Variants in ECT2L observed in about 807,000 individuals in gnomAD.
The protein encoded by ECT2L is epithelial cell-transforming sequence 2 oncogene-like.
ECT2L carries 126 observed loss-of-function variants against 122.8 expected under a neutral mutation model. That is an observed-to-expected ratio of 1.03 (90% CI 0.89 to 1.19). The LOEUF (loss-of-function observed/expected upper bound fraction) is 1.19. Among genes scored for constraint, ECT2L ranks in the 50% most tolerant of loss-of-function variants. ECT2L has a pLI of 0.00. For synonymous variants in ECT2L, 385 were observed against 381.8 expected (o/e 1.01, Z -0.10); for missense variants, 1,012 against 1,064.1 (o/e 0.95, Z 0.68).
chr6:138,806,276 G>C (rs1392383339), intron 1 of ECT2L, among the ~76,000 whole-genome samples: 1 of 152,144 alleles, frequency 6.6e-6, no homozygotes, highest in Non-Finnish European at 1.5e-5. Context: ...ATGCTTTCAT[G>C]AGAACAAGCC....
rs200690490 is a variant in ECT2L at position 138,854,115 on chromosome 6, G to T, written c.1159G>T (p.Gly387Trp). 3.8e-5 allele frequency: 61 copies of T among 1,614,020 alleles called. No homozygotes were observed. The highest frequency in any genetic ancestry group is 5.0e-5 in the Non-Finnish European group (59 of 1,180,014). Residue 387 changes from glycine to tryptophan, a missense_variant, in exon 10 of 22, where the codon GGG (glycine) becomes TGG (tryptophan). By Grantham distance (184) the Gly-to-Trp change is radical. Coordinates refer to ENST00000541398, the MANE Select transcript of ECT2L (RefSeq NM_001077706.3). The part of the protein sequence containing the change: ...LGSYVATEEE[G>W]GHVDFFVPLG... The stretch of plus-strand genomic sequence containing the variant: ...AAGCTATGTGGCCACTGAAGAAGAA[G>T]GGGGTCACGTGGACTTCTTCGTGCC...
rs1397114798 is a variant in ECT2L at position 138,881,178 on chromosome 6, C to T, written c.1880+7C>T. 3 of 1,611,548 alleles carry T rather than the reference C, an allele frequency of 1.9e-6. No individual in the cohort carries two copies. The highest frequency in any genetic ancestry group is 2.2e-5 in the South Asian group (2 of 90,822). Reference sequence around the variant, plus strand: ...AGATTTTAAGTCTCAACAGGTAAACCCTGAATATGTATTTTTTTTAATATT... The same window carrying T: ...AGATTTTAAGTCTCAACAGGTAAACTCTGAATATGTATTTTTTTTAATATT... On this transcript the variant is annotated splice_region_variant and intron_variant, in intron 15 of 21. Coordinates refer to ENST00000541398, the MANE Select transcript of ECT2L (RefSeq NM_001077706.3).
intron 1 of ECT2L, among the ~76,000 whole-genome samples, chr6:138,801,143 A>C (rs1157184305): frequency 5.3e-5 from 8 of 152,212 alleles, no homozygotes; most frequent in African/African-American, 1.7e-4. Context: ...TGGAGGTGAC[A>C]CATTCAAACC....
intron 9 of ECT2L, 89 bp from the exon 10 acceptor site, chr6:138,853,937 T>C (rs1311917534): frequency 6.9e-7 from 1 of 1,453,798 alleles, no homozygotes; most frequent in Non-Finnish European, 9.4e-7. Context: ...GGCATTTTGA[T>C]TTTGTGCTTA....
intron 20 of ECT2L, 24 bp from the exon 21 acceptor site, chr6:138,900,924 T>G: frequency 1.2e-6 from 2 of 1,608,182 alleles, no homozygotes; most frequent in Non-Finnish European, 1.7e-6. Flanking sequence ...GTATTAAAAC[T>G]GTACCTTCTC....
At chr6:138,831,402 C>T (rs1652709138) in intron 4 of ECT2L, among the ~76,000 whole-genome samples, 1 of 152,178 alleles carries the variant, frequency 6.6e-6, no homozygotes, top group Admixed American at 6.6e-5. Context: ...ATGGCTCTAA[C>T]CACCCCTTCA....
At chr6:138,843,685 A>G (rs1490340991) in intron 6 of ECT2L, among the ~76,000 whole-genome samples, 2 of 151,630 alleles carry the variant, frequency 1.3e-5, no homozygotes, top group East Asian at 1.9e-4. Context: ...TAAGCCCCCT[A>G]TTTATTTATT....
intron 4 of ECT2L, among the ~76,000 whole-genome samples, chr6:138,820,431 A>G (rs536493554): frequency 6.6e-6 from 1 of 152,384 alleles, no homozygotes; most frequent in South Asian, 2.1e-4. Context: ...CCGAGGACCA[A>G]AGTAAATGGT....
intron 5 of ECT2L, among the ~76,000 whole-genome samples, chr6:138,840,314 AAC>A (rs1776995134): frequency 6.6e-6 from 1 of 152,144 alleles, no homozygotes; most frequent in Non-Finnish European, 1.5e-5. Flanking sequence ...ATAACACATA[AAC>A]ACATATCTCA....
At chr6:138,862,847 A>G in intron 11 of ECT2L, 128 bp downstream of exon 11, 3 of 665,940 alleles carry the variant, frequency 4.5e-6, no homozygotes, top group Non-Finnish European at 7.5e-6. Context: ...TCCTCCCCTG[A>G]AGGAACGCTA....
intron 20 of ECT2L, among the ~76,000 whole-genome samples, chr6:138,891,187 T>C (rs1024862534): frequency 6.6e-6 from 1 of 152,208 alleles, no homozygotes; most frequent in Non-Finnish European, 1.5e-5. Context: ...AGAAGTAAGA[T>C]ACCAAATTCT....
Position 138,881,091 on chromosome 6 carries a change from G to T in ECT2L, c.1800G>T (p.Leu600Phe), listed in dbSNP as rs1364759164. ...ATGTCGCACCACTGAAAGCAGCATTGTCATCAAACAGAGCGATTCTGAGTG... is the reference window on the plus strand; with the variant it reads ...ATGTCGCACCACTGAAAGCAGCATTTTCATCAAACAGAGCGATTCTGAGTG... Reference protein sequence around the residue: ...DVYVAPLKAALSSNRAILSAA... With the variant: ...DVYVAPLKAAFSSNRAILSAA... Residue 600 changes from leucine to phenylalanine, a missense_variant, in exon 15 of 22, where the codon TTG (leucine) becomes TTT (phenylalanine). Leu to Phe is a conservative substitution (Grantham distance 22). Transcript: ENST00000541398. 1.9e-6 allele frequency: 3 copies of T among 1,614,142 alleles called. No homozygotes were observed. The highest frequency in any genetic ancestry group is 1.7e-5 in the Admixed American group (1 of 60,012).
chr6:138,880,941 T>G lies in ECT2L; in HGVS notation c.1666-16T>G. 6.2e-7 allele frequency: 1 copy of G among 1,609,900 alleles called. No homozygotes were observed. Among genetic ancestry groups the G allele is most frequent in the Non-Finnish European group, 8.5e-7 (1 of 1,177,166 alleles). Reference sequence around the variant, plus strand: ...CTTCTCCATCACTGACTTGAGTTCTTAACACTTCTCTACAGGAGAGAATAC... The same window carrying G: ...CTTCTCCATCACTGACTTGAGTTCTGAACACTTCTCTACAGGAGAGAATAC... On this transcript the variant is annotated splice_polypyrimidine_tract_variant and intron_variant, in intron 14 of 21. Transcript: ENST00000541398.
At chr6:138,868,071 C>G (rs1256933861) in intron 12 of ECT2L, 32 bp from the exon 13 acceptor site, 1 of 1,227,078 alleles carries the variant, frequency 8.1e-7, no homozygotes. Context: ...TTACATAAAT[C>G]AATTACAGGG....
chr6:138,804,752 C>T (rs1775658183), intron 1 of ECT2L, among the ~76,000 whole-genome samples: 1 of 152,118 alleles, frequency 6.6e-6, no homozygotes, highest in Non-Finnish European at 1.5e-5. Flanking sequence ...AAGTATTTTT[C>T]AATAAAGTTT....
In ECT2L at chr6:138,849,624, A is replaced by G. The variant is rs182724617; in HGVS notation, c.1069+190A>G. 1.3e-4 allele frequency among the ~76,000 whole-genome samples: 19 copies of G among 146,682 alleles called. No individual in the cohort carries two copies. The East Asian group carries it at 3.2e-3, about 25-fold the overall frequency. ...GTCTCTGTCACCCAGGTTGGAGTGCACTGGTGTGATCACGGCTCACTGCAG... is the reference window on the plus strand; with the variant it reads ...GTCTCTGTCACCCAGGTTGGAGTGCGCTGGTGTGATCACGGCTCACTGCAG... On this transcript the variant is annotated intron_variant, in intron 9 of 21. Transcript: ENST00000541398.
chr6:138,856,781 G>A (rs766180117), intron 10 of ECT2L, among the ~76,000 whole-genome samples: 48 of 152,260 alleles, frequency 3.2e-4, no homozygotes, highest in South Asian at 1.0e-3. Flanking sequence ...GTTCTGATTG[G>A]TCTAACTTTA....
At chr6:138,900,437 G>T (rs1434513280) in intron 20 of ECT2L, among the ~76,000 whole-genome samples, 1 of 152,064 alleles carries the variant, frequency 6.6e-6, no homozygotes, top group African/African-American at 2.4e-5. Flanking sequence ...AGTAGAGACG[G>T]GGTTTCACTA....
At chr6:138,853,329 C>T (rs1019929470) in intron 9 of ECT2L, among the ~76,000 whole-genome samples, 15 of 152,176 alleles carry the variant, frequency 9.9e-5, no homozygotes, top group Non-Finnish European at 5.9e-5. Flanking sequence ...TAGTTTACTT[C>T]TATATAATTG....
Sources: gnomAD v4.1 joint callset for allele counts (sites outside exome capture counted in the v4.1 genomes callset) on GRCh38, gnomAD v4.1.1 for gene constraint, MANE v1.5 for transcripts, NCBI Gene and HGNC (gene_info 2026-07-23, HGNC 2026-07-21) for gene names.